SH3RF3: variants seen among roughly 807,000 people sequenced by gnomAD.
SH3RF3 encodes the protein E3 ubiquitin-protein ligase SH3RF3.
SH3RF3 carries 29 observed loss-of-function variants against 66.3 expected under a neutral mutation model. That is an observed-to-expected ratio of 0.44 (90% CI 0.33 to 0.60). SH3RF3 has a LOEUF of 0.60. Among genes scored for constraint, SH3RF3 ranks in the 20% least tolerant of loss-of-function variants. SH3RF3 has a pLI of 0.04. For missense variants in SH3RF3, 1,194 were observed against 1,190.9 expected, an observed-to-expected ratio of 1.00 and a Z score of -0.04; for synonymous variants, 583 against 532.0, an observed-to-expected ratio of 1.10 and a Z score of -1.32.
At chr2:109,207,831 T>G (rs1219970007) in intron 1 of SH3RF3, among the ~76,000 whole-genome samples, 1 of 152,210 alleles carries the variant, frequency 6.6e-6, no homozygotes, top group African/African-American at 2.4e-5. Flanking sequence ...TTAAAAAAAA[T>G]TAAACTATAC....
intron 1 of SH3RF3, among the ~76,000 whole-genome samples, chr2:109,169,377 A>G (rs891596507): frequency 6.6e-6 from 1 of 152,050 alleles, no homozygotes; most frequent in Non-Finnish European, 1.5e-5. Context: ...CCCTTGCTCC[A>G]TACTATGATG....
intron 1 of SH3RF3, among the ~76,000 whole-genome samples, chr2:109,333,573 C>T (rs1165252742): frequency 3.9e-5 from 6 of 152,210 alleles, no homozygotes; most frequent in South Asian, 4.1e-4. Context: ...CATGGAATCT[C>T]TGGAGCTCTG....
At chr2:109,249,757 C>T (rs184145965) in intron 1 of SH3RF3, among the ~76,000 whole-genome samples, 185 of 151,816 alleles carry the variant, frequency 1.2e-3, no homozygotes, top group African/African-American at 4.0e-3. Context: ...TCCAGGTTCA[C>T]GCCATTCTCC....
At chr2:109,281,674 A>C (rs1384766872) in intron 1 of SH3RF3, among the ~76,000 whole-genome samples, 1 of 152,118 alleles carries the variant, frequency 6.6e-6, no homozygotes, top group Admixed American at 6.5e-5. Context: ...TGAATTCCCC[A>C]CAGTTCTTAG....
chr2:109,243,986 A>G (rs1679851184), intron 1 of SH3RF3, among the ~76,000 whole-genome samples: 1 of 152,206 alleles, frequency 6.6e-6, no homozygotes, highest in Non-Finnish European at 1.5e-5. Flanking sequence ...TGCCCAGCTC[A>G]TGTGCTCATA....
chr2:109,345,777 A>T (rs569086734), intron 1 of SH3RF3, among the ~76,000 whole-genome samples: 4 of 152,276 alleles, frequency 2.6e-5, no homozygotes. Flanking sequence ...TTGTAAATTT[A>T]ACCAAACAGG....
chr2:109,482,870 G>A (rs1678871872), intron 8 of SH3RF3, among the ~76,000 whole-genome samples: 1 of 152,170 alleles, frequency 6.6e-6, no homozygotes, highest in African/African-American at 2.4e-5. Flanking sequence ...ACTGGCTGCT[G>A]CCTCCCGTTC....
intron 1 of SH3RF3, among the ~76,000 whole-genome samples, chr2:109,204,854 G>C (rs1213721669): frequency 6.6e-6 from 1 of 152,136 alleles, no homozygotes; most frequent in Non-Finnish European, 1.5e-5. Context: ...GTGGAAGTGG[G>C]GGCTAAACTA....
intron 8 of SH3RF3, among the ~76,000 whole-genome samples, chr2:109,477,490 G>T (rs1047546870): frequency 1.3e-5 from 2 of 152,184 alleles, no homozygotes; most frequent in African/African-American, 4.8e-5. Context: ...GCCCCCTCCC[G>T]CCAGACACAT....
chr2:109,204,609 G>A (rs557900784), intron 1 of SH3RF3, among the ~76,000 whole-genome samples: 5 of 152,286 alleles, frequency 3.3e-5, no homozygotes, highest in African/African-American at 7.2e-5. Context: ...TGCCGGCAGC[G>A]CCACCTACTC....
At chr2:109,492,680 C>T (rs1037217756) in intron 9 of SH3RF3, among the ~76,000 whole-genome samples, 11 of 152,284 alleles carry the variant, frequency 7.2e-5, no homozygotes, top group African/African-American at 1.9e-4. Flanking sequence ...CAAGATCACA[C>T]AGCTAGTTAG....
chr2:109,215,363 G>GA (rs1380390502), intron 1 of SH3RF3, among the ~76,000 whole-genome samples: 1 of 152,146 alleles, frequency 6.6e-6, no homozygotes, highest in African/African-American at 2.4e-5. Context: ...CCAGAGAAGG[G>GA]AGGGTGCATT....
chr2:109,427,562 G>T (rs991193135), intron 5 of SH3RF3, among the ~76,000 whole-genome samples: 12 of 152,182 alleles, frequency 7.9e-5, no homozygotes, highest in Non-Finnish European at 1.2e-4. Context: ...GGTGAGGCCA[G>T]TACCACTGGC....
chr2:109,137,772 C>T (rs747550991), intron 1 of SH3RF3, among the ~76,000 whole-genome samples: 1 of 152,216 alleles, frequency 6.6e-6, no homozygotes, highest in African/African-American at 2.4e-5. Flanking sequence ...GTTGTTTTTG[C>T]GTTCAAAGAC....
At chr2:109,494,243 G>C (rs934371197) in intron 9 of SH3RF3, among the ~76,000 whole-genome samples, 1 of 152,190 alleles carries the variant, frequency 6.6e-6, no homozygotes, top group Admixed American at 6.5e-5. Context: ...ACTCACTCCC[G>C]TTCTCTGAGT....
At chr2:109,271,502 T>C (rs1680625421) in intron 1 of SH3RF3, among the ~76,000 whole-genome samples, 1 of 152,242 alleles carries the variant, frequency 6.6e-6, no homozygotes, top group Admixed American at 6.5e-5. Flanking sequence ...GACTTTGCTG[T>C]CAGCCAACAT....
chr2:109,210,681 G>C (rs1227876831), intron 1 of SH3RF3, among the ~76,000 whole-genome samples: 1 of 152,202 alleles, frequency 6.6e-6, no homozygotes, highest in African/African-American at 2.4e-5. Context: ...CTCCAGGTGG[G>C]AGGCCCAGGA....
chr2:109,146,341 G>A (rs998594110), intron 1 of SH3RF3, among the ~76,000 whole-genome samples: 1 of 152,128 alleles, frequency 6.6e-6, no homozygotes, highest in Admixed American at 6.5e-5. Flanking sequence ...CTTCCCAAAG[G>A]TGGCCAGGGC....
chr2:109,483,518 A>G (rs1426045387), intron 8 of SH3RF3, among the ~76,000 whole-genome samples: 1 of 152,200 alleles, frequency 6.6e-6, no homozygotes, highest in Admixed American at 6.5e-5. Flanking sequence ...CTGTGGGTTG[A>G]GGTGGCATAT....
Sources: allele counts gnomAD v4.1 joint callset (sites outside exome capture counted in the v4.1 genomes callset), GRCh38; gene constraint gnomAD v4.1.1; transcripts MANE v1.5; gene names NCBI Gene and HGNC (gene_info 2026-07-23, HGNC 2026-07-21).